STAU2: variants seen among roughly 807,000 people sequenced by gnomAD.
STAU2 encodes the protein double-stranded RNA-binding protein Staufen homolog 2.
STAU2 carries 20 observed loss-of-function variants against 65.9 expected under a neutral mutation model. The ratio of observed to expected loss-of-function variants is 0.30; its 90% CI spans 0.21 to 0.44. The LOEUF (loss-of-function observed/expected upper bound fraction) is 0.44. Ranked by LOEUF, STAU2 falls within the 20% of genes least tolerant of loss-of-function variation. The pLI is 1.00. For missense variants in STAU2, 558 were observed against 683.9 expected (o/e 0.82, Z 2.05); for synonymous variants, 232 against 233.9 (o/e 0.99, Z 0.07).
chr8:73,621,174 C>T (rs917354903), intron 6 of STAU2, among the ~76,000 whole-genome samples: 3 of 152,104 alleles, frequency 2.0e-5, no homozygotes, highest in Non-Finnish European at 2.9e-5. Context: ...CTCCATGTGT[C>T]GTGGGAGGGA....
intron 12 of STAU2, among the ~76,000 whole-genome samples, chr8:73,561,884 A>G (rs575235135): frequency 3.9e-4 from 59 of 152,196 alleles, no homozygotes; most frequent in Non-Finnish European, 5.7e-4. Context: ...CCCATTTTAC[A>G]CTTGAAGGCC....
chr8:73,684,551 A>G (rs1373436626), intron 5 of STAU2, among the ~76,000 whole-genome samples: 2 of 152,206 alleles, frequency 1.3e-5, no homozygotes, highest in African/African-American at 4.8e-5. Flanking sequence ...TGGCTTAGGC[A>G]AAGGCTTCAT....
chr8:73,512,099 T>A (rs1822439426), intron 13 of STAU2, among the ~76,000 whole-genome samples: 1 of 152,234 alleles, frequency 6.6e-6, no homozygotes, highest in African/African-American at 2.4e-5. Context: ...CTCAATTCTG[T>A]TCCACTGATC....
intron 6 of STAU2, among the ~76,000 whole-genome samples, chr8:73,623,067 G>C (rs1418124777): frequency 6.6e-6 from 1 of 152,212 alleles, no homozygotes; most frequent in Non-Finnish European, 1.5e-5. Flanking sequence ...CAGTAAGAAA[G>C]AATGTATACT....
chr8:73,574,148 T>G (rs1809330990), intron 12 of STAU2, among the ~76,000 whole-genome samples: 1 of 152,088 alleles, frequency 6.6e-6, no homozygotes, highest in Non-Finnish European at 1.5e-5. Context: ...AAAAGACACA[T>G]GAAAAAATGC....
At chr8:73,563,834 C>T (rs1034593783) in intron 12 of STAU2, among the ~76,000 whole-genome samples, 5 of 152,184 alleles carry the variant, frequency 3.3e-5, no homozygotes, top group African/African-American at 1.2e-4. Flanking sequence ...AAAAAGAAGT[C>T]TTGGGTGACA....
At chr8:73,550,745 C>A in intron 13 of STAU2, 1 of 987,316 alleles carries the variant, frequency 1.0e-6, no homozygotes, top group Non-Finnish European at 1.2e-6. Flanking sequence ...TTTCAGATGA[C>A]AGAGCCGATA....
chr8:73,494,775 G>A (rs998043340), intron 13 of STAU2, among the ~76,000 whole-genome samples: 3 of 151,610 alleles, frequency 2.0e-5, no homozygotes, highest in Non-Finnish European at 4.4e-5. Flanking sequence ...TAAATTGTAA[G>A]CCACTTGTAT....
chr8:73,561,788 A>G (rs1202073140), intron 12 of STAU2, among the ~76,000 whole-genome samples: 1 of 152,246 alleles, frequency 6.6e-6, no homozygotes, highest in Non-Finnish European at 1.5e-5. Flanking sequence ...AGTCCTTACT[A>G]GATATCAGGC....
chr8:73,428,969 C>T (rs1817048569), intron 13 of STAU2, among the ~76,000 whole-genome samples: 3 of 152,184 alleles, frequency 2.0e-5, no homozygotes, highest in South Asian at 4.1e-4. Flanking sequence ...TCTGGAATGG[C>T]GGCGTGCTCT....
chr8:73,451,483 A>G (rs1381876856), intron 13 of STAU2, among the ~76,000 whole-genome samples: 1 of 152,028 alleles, frequency 6.6e-6, no homozygotes, highest in Non-Finnish European at 1.5e-5. Flanking sequence ...CTCGGATTCA[A>G]AAAAATATGT....
chr8:73,635,413 C>A (rs560077461), intron 6 of STAU2, among the ~76,000 whole-genome samples: 2 of 152,174 alleles, frequency 1.3e-5, no homozygotes, highest in African/African-American at 4.8e-5. Flanking sequence ...GAAGGCAAGC[C>A]CATCTATTCC....
intron 6 of STAU2, among the ~76,000 whole-genome samples, chr8:73,658,505 C>G (rs1376055731): frequency 1.3e-5 from 2 of 152,200 alleles, no homozygotes; most frequent in African/African-American, 4.8e-5. Flanking sequence ...CACCCAAAAT[C>G]TTACCCAGAA....
At chr8:73,703,420 C>T (rs1820264709) in intron 4 of STAU2, among the ~76,000 whole-genome samples, 1 of 152,150 alleles carries the variant, frequency 6.6e-6, no homozygotes, top group African/African-American at 2.4e-5. Flanking sequence ...CTAACTAAAC[C>T]TCTTTTCTTA....
chr8:73,464,122 T>C (rs1287335288), intron 13 of STAU2, among the ~76,000 whole-genome samples: 2 of 152,198 alleles, frequency 1.3e-5, no homozygotes, highest in African/African-American at 2.4e-5. Context: ...TTCCGGGATA[T>C]TGCCTGAAGT....
At chr8:73,698,923 TAA>T (rs34819729) in intron 4 of STAU2, among the ~76,000 whole-genome samples, 5 of 129,098 alleles carry the variant, frequency 3.9e-5, no homozygotes, top group Non-Finnish European at 8.0e-5. Flanking sequence ...CTTAAAACAT[TAA>T]AAAAAAAAAA....
chr8:73,505,298 G>A (rs1822000920), intron 13 of STAU2, among the ~76,000 whole-genome samples: 1 of 152,014 alleles, frequency 6.6e-6, no homozygotes, highest in Admixed American at 6.6e-5. Context: ...CAGAAGTCAG[G>A]ATCAGTTTAC....
chr8:73,711,667 G>A (rs1014587121), intron 3 of STAU2, among the ~76,000 whole-genome samples: 4 of 151,902 alleles, frequency 2.6e-5, no homozygotes, highest in African/African-American at 9.7e-5. Flanking sequence ...GAACCCGTTT[G>A]GTATGAAAAC....
intron 13 of STAU2, among the ~76,000 whole-genome samples, chr8:73,539,848 CAAAAAAA>C (rs539856610): frequency 2.3e-5 from 2 of 87,056 alleles, no homozygotes; most frequent in African/African-American, 4.2e-5. Flanking sequence ...CATCCCCATC[CAAAAAAA>C]AAAAAAAAAA....
Sources: allele counts gnomAD v4.1 joint callset (sites outside exome capture counted in the v4.1 genomes callset), GRCh38; gene constraint gnomAD v4.1.1; transcripts MANE v1.5; gene names NCBI Gene and HGNC (gene_info 2026-07-23, HGNC 2026-07-21).